Variants in PRKRIP1 observed in about 807,000 individuals in gnomAD.
The protein encoded by PRKRIP1 is PRKR-interacting protein 1.
A neutral mutation model predicts 29.3 loss-of-function variants in PRKRIP1; 29 were observed. The ratio of observed to expected loss-of-function variants is 0.99; its 90% CI spans 0.74 to 1.35. The LOEUF (loss-of-function observed/expected upper bound fraction) is 1.35. PRKRIP1 is among the 40% of genes most tolerant of loss of function. The pLI is 0.00. For synonymous variants in PRKRIP1, 90 were observed against 85.1 expected (o/e 1.06, Z -0.32); for missense variants, 247 against 236.8 (o/e 1.04, Z -0.28).
intron 5 of PRKRIP1, among the ~76,000 whole-genome samples, chr7:102,410,444 G>A (rs1312420131): frequency 2.6e-5 from 4 of 152,150 alleles, no homozygotes; most frequent in African/African-American, 9.7e-5. Context: ...AGCCTTGCAG[G>A]TAGACGTTTC....
At chr7:102,413,951 G>A (rs1796464552) in intron 5 of PRKRIP1, among the ~76,000 whole-genome samples, 1 of 152,156 alleles carries the variant, frequency 6.6e-6, no homozygotes, top group Non-Finnish European at 1.5e-5. Flanking sequence ...AGGAGGGCCA[G>A]GTGCGGCGGC....
In PRKRIP1 at chr7:102,396,483, C is replaced by T. The variant is rs782697269; in HGVS notation, c.72C>T (p.Pro24=). ...AAGAGCCGCAGACGCTCGTCATCCCCAAGAATGCGGCGGAGGAGCAGAAGC... is the reference window on the plus strand; with the variant it reads ...AAGAGCCGCAGACGCTCGTCATCCCTAAGAATGCGGCGGAGGAGCAGAAGC... The part of the protein sequence containing the change: ...PKKEPQTLVI[P]KNAAEEQKLK... The change falls in exon 1 of 6, where the codon CCC becomes CCT. Residue 24 remains proline (P), a synonymous_variant. Transcript: ENST00000397912. 13 of 1,610,246 alleles carry T rather than the reference C, an allele frequency of 8.1e-6. No individual in the cohort carries two copies. The African/African-American group carries it at 1.5e-4, about 18-fold the overall frequency.
chr7:102,396,411 C>G lies in PRKRIP1; in HGVS notation c.-1C>G. Reference sequence around the variant, plus strand: ...CTCGCTTGTGAAACTGGAAGGCTGCCATGGCTAGCCCAGCCGCCTCCTCGG... The same window carrying G: ...CTCGCTTGTGAAACTGGAAGGCTGCGATGGCTAGCCCAGCCGCCTCCTCGG... On this transcript the variant is annotated 5_prime_UTR_variant, in exon 1 of 6. Coordinates refer to ENST00000397912, the MANE Select transcript of PRKRIP1 (RefSeq NM_024653.4). The G allele has an allele frequency of 6.4e-7, 1 of 1,565,322 alleles. No homozygotes were observed. The highest frequency in any genetic ancestry group is 8.6e-7 in the Non-Finnish European group (1 of 1,163,084).
intron 5 of PRKRIP1, among the ~76,000 whole-genome samples, chr7:102,420,271 T>C (rs1312128328): frequency 2.6e-5 from 4 of 152,174 alleles, no homozygotes; most frequent in Non-Finnish European, 5.9e-5. Flanking sequence ...TATGATAGGA[T>C]TAATCTTGTT....
intron 5 of PRKRIP1, among the ~76,000 whole-genome samples, chr7:102,409,362 T>C (rs1310643688): frequency 6.6e-6 from 1 of 152,112 alleles, no homozygotes; most frequent in Non-Finnish European, 1.5e-5. Flanking sequence ...CCTCAACACT[T>C]TCCCCTCCAC....
chr7:102,424,943 C>G, intron 5 of PRKRIP1, 71 bp from the exon 6 acceptor site: 2 of 1,502,306 alleles, frequency 1.3e-6, no homozygotes, highest in Non-Finnish European at 1.8e-6. Context: ...CCCATCAGCT[C>G]TCCTCTTTGA....
At position 102,419,848 on chromosome 7, in the gene PRKRIP1, TGTGTGTGTGTGTGTGTG is replaced by T. The variant is rs1796646890; in HGVS notation, c.458-5165_458-5149del. ...GTGCTACTGTTTTTTTGTGTTTTTGTGTGTGTGTGTGTGTGTGTGTGTGTGTGTGTGTGTGTGTGTGT... is the reference window on the plus strand; with the variant it reads ...GTGCTACTGTTTTTTTGTGTTTTTGTTGTGTGTGTGTGTGTGTGTGTGTGT... On this transcript the variant is annotated intron_variant, in intron 5 of 5. Transcript: ENST00000397912. 1.7e-3 allele frequency among the ~76,000 whole-genome samples: 7 copies of T among 4,160 alleles called. No individual in the cohort carries two copies. In the Admixed American group the frequency reaches 0.031, roughly 18 times the overall value. 2.7% of individuals were successfully genotyped at this position (4,160 alleles called of 152,430 possible). A position where few individuals can be genotyped will look rare whatever the true frequency, so the allele number is the denominator to read the frequency against.
At chr7:102,419,649 G>A (rs782572809) in intron 5 of PRKRIP1, among the ~76,000 whole-genome samples, 9 of 152,050 alleles carry the variant, frequency 5.9e-5, no homozygotes, top group Non-Finnish European at 7.4e-5. Flanking sequence ...GAATTAAATC[G>A]TATACAGCCT....
intron 3 of PRKRIP1, 103 bp downstream of exon 3, chr7:102,399,751 C>G (rs1796014487): frequency 1.1e-6 from 1 of 889,324 alleles, no homozygotes; most frequent in Admixed American, 2.1e-5. Context: ...TGGCTCAGGC[C>G]TGTAATCCCA....
chr7:102,408,883 A>C (rs911643260), intron 5 of PRKRIP1, among the ~76,000 whole-genome samples: 1 of 151,388 alleles, frequency 6.6e-6, no homozygotes, highest in Non-Finnish European at 1.5e-5. Context: ...ATCTCAAAAA[A>C]ATAAAACAGG....
intron 5 of PRKRIP1, among the ~76,000 whole-genome samples, chr7:102,410,559 A>AG (rs1489082328): frequency 6.6e-6 from 1 of 152,112 alleles, no homozygotes; most frequent in African/African-American, 2.4e-5. Flanking sequence ...CTACTGTGGC[A>AG]GGGGGGCTCT....
chr7:102,415,659 AAC>A (rs1554573004), intron 5 of PRKRIP1, among the ~76,000 whole-genome samples: 1 of 152,272 alleles, frequency 6.6e-6, no homozygotes, highest in Non-Finnish European at 1.5e-5. Context: ...TGTATTAACT[AAC>A]AATCCTTACA....
chr7:102,425,508 C>CA lies in PRKRIP1; in HGVS notation c.*398dup. ...AACACTCTGGAGAAGGCTGAGATGC[C>CA]ACCATTCCCACGGGGACTGAAGACA... On this transcript the variant is annotated 3_prime_UTR_variant, in exon 6 of 6. Coordinates refer to ENST00000397912, the MANE Select transcript of PRKRIP1 (RefSeq NM_024653.4). 1 of 298,760 alleles carries CA rather than the reference C, an allele frequency of 3.3e-6. No homozygotes were observed. Among genetic ancestry groups the CA allele is most frequent in the Non-Finnish European group, 6.5e-6 (1 of 155,034 alleles). The allele number at this position is 298,760 out of a possible 1,614,324, so 18.5% of individuals were successfully genotyped here.
At chr7:102,397,776 TG>T (rs1208401946) in intron 2 of PRKRIP1, 78 bp downstream of exon 2, 2 of 1,397,038 alleles carry the variant, frequency 1.4e-6, no homozygotes, top group African/African-American at 2.9e-5. Flanking sequence ...CTGGGCGTGG[TG>T]GCTCATGCCT....
chr7:102,419,843 TTTTGTGTGTGTGTGTGTG>T (rs1204683600), intron 5 of PRKRIP1, among the ~76,000 whole-genome samples: 24 of 133,658 alleles, frequency 1.8e-4, no homozygotes, highest in Middle Eastern at 3.6e-3. Context: ...TTTTTTGTGT[TTTTGTGTGTGTGTGTGTG>T]TGTGTGTGTG....
intron 5 of PRKRIP1, among the ~76,000 whole-genome samples, chr7:102,416,817 C>T (rs1554573173): frequency 6.6e-6 from 1 of 151,830 alleles, no homozygotes. Context: ...GTAGCTGCAA[C>T]TACAGATGCG....
In PRKRIP1 at chr7:102,396,375, C is replaced by A; in HGVS notation, c.-37C>A. The A allele has an allele frequency of 1.3e-6, 2 of 1,492,392 alleles. No individual in the cohort carries two copies. The highest frequency in any genetic ancestry group is 1.8e-6 in the Non-Finnish European group (2 of 1,126,454). The allele number at this position is 1,492,392 out of a possible 1,614,324, so 92.4% of individuals were successfully genotyped here. On this transcript the variant is annotated 5_prime_UTR_variant, in exon 1 of 6. Transcript: ENST00000397912. ...CGGCTGTGTCGTCATACTTGCGCGC[C>A]GACGCCGCCGCTCGCTTGTGAAACT...
At chr7:102,403,752 T>G (rs1248808066) in intron 3 of PRKRIP1, among the ~76,000 whole-genome samples, 1 of 152,232 alleles carries the variant, frequency 6.6e-6, no homozygotes, top group African/African-American at 2.4e-5. Context: ...ATGAGTAGAC[T>G]GAGGCTTGGA....
chr7:102,410,962 G>A (rs1796365239), intron 5 of PRKRIP1, among the ~76,000 whole-genome samples: 1 of 152,088 alleles, frequency 6.6e-6, no homozygotes, highest in African/African-American at 2.4e-5. Flanking sequence ...ATCTCACTTT[G>A]CCACCCAGGC....
Sources: gnomAD v4.1 joint callset for allele counts (sites outside exome capture counted in the v4.1 genomes callset) on GRCh38, gnomAD v4.1.1 for gene constraint, MANE v1.5 for transcripts, NCBI Gene and HGNC (gene_info 2026-07-23, HGNC 2026-07-21) for gene names.